LGSN: variants seen among roughly 807,000 people sequenced by gnomAD.
LGSN encodes the protein lengsin, lens protein with glutamine synthetase domain.
A neutral mutation model predicts 19.5 loss-of-function variants in LGSN; 21 were observed. The ratio of observed to expected loss-of-function variants is 1.07; its 90% confidence interval spans 0.76 to 1.55. The LOEUF (loss-of-function observed/expected upper bound fraction) is 1.55, where lower values mean the gene tolerates loss of function less well. Ranked by LOEUF, LGSN falls within the 40% of genes most tolerant of loss-of-function variation. The pLI, the probability that LGSN is intolerant of heterozygous loss-of-function variation, is 0.00. For synonymous variants in LGSN, 257 were observed against 215.6 expected (o/e 1.19, Z -1.68); for missense variants, 673 against 608.5 (o/e 1.11, Z -1.12).
the LGSN span, among the ~76,000 whole-genome samples, chr6:63,423,079 G>A: frequency 6.6e-6 from 1 of 152,156 alleles, no homozygotes; most frequent in Admixed American, 6.5e-5. Context: ...AGGTACAGTG[G>A]CTCACTTCTG....
At chr6:63,450,670 A>G in the LGSN span, among the ~76,000 whole-genome samples, 1 of 151,932 alleles carries the variant, frequency 6.6e-6, no homozygotes, top group Non-Finnish European at 1.5e-5. Context: ...ATTGAAAAAG[A>G]TTATAATGGT....
chr6:63,518,735 C>T, the LGSN span, among the ~76,000 whole-genome samples: 48 of 152,232 alleles, frequency 3.2e-4, no homozygotes, highest in South Asian at 6.0e-3. Context: ...CAGAATTTTG[C>T]CTTTAATACT....
the LGSN span, among the ~76,000 whole-genome samples, chr6:63,339,853 A>T: frequency 6.6e-6 from 1 of 151,938 alleles, no homozygotes; most frequent in Admixed American, 6.6e-5. Flanking sequence ...TCTACCAGTA[A>T]CTTTTATATT....
At chr6:63,333,697 T>C in the LGSN span, among the ~76,000 whole-genome samples, 1 of 148,608 alleles carries the variant, frequency 6.7e-6, no homozygotes. Context: ...CAGGTCTATA[T>C]GCCTGATGAA....
chr6:63,315,579 T>G (rs1020795612), intron 1 of LGSN, among the ~76,000 whole-genome samples: 1 of 151,752 alleles, frequency 6.6e-6, no homozygotes, highest in African/African-American at 2.4e-5. Context: ...TTTCTCTTGC[T>G]TTTCTGAAGA....
the LGSN span, among the ~76,000 whole-genome samples, chr6:63,519,557 A>AC: frequency 1.3e-5 from 2 of 152,198 alleles, no homozygotes; most frequent in South Asian, 4.1e-4. Flanking sequence ...GGGTAAAGAC[A>AC]CCACATATGC....
the LGSN span, chr6:63,521,654 G>A: frequency 6.6e-6 from 1 of 152,114 alleles, no homozygotes; most frequent in Non-Finnish European, 1.5e-5. Context: ...TGTATAAATT[G>A]CAAAATAAAC....
At chr6:63,525,265 C>G in the LGSN span, among the ~76,000 whole-genome samples, 1 of 152,190 alleles carries the variant, frequency 6.6e-6, no homozygotes, top group African/African-American at 2.4e-5. Flanking sequence ...CAAACCCGCT[C>G]TTCCATATTT....
chr6:63,529,089 C>A, the LGSN span, among the ~76,000 whole-genome samples: 1 of 138,200 alleles, frequency 7.2e-6, no homozygotes, highest in African/African-American at 3.0e-5. Context: ...AACTCCATCT[C>A]AAAATATATA....
In LGSN at chr6:63,319,317, C is replaced by T. The variant is rs114762014; in HGVS notation, c.30+597G>A. ...TAACTCACATCCTCCCAAATTTTAC[C>T]ACAGCTTGCCTCCAAGTCTGCACTT... is the stretch of plus-strand genomic sequence containing the variant. On this transcript the variant is annotated intron_variant, in intron 1 of 3. Transcript: ENST00000370657. Among the ~76,000 whole-genome samples the T allele has an allele frequency of 2.9e-3, 447 of 152,252 alleles. 3 individuals are homozygous for T. Among genetic ancestry groups the T allele is most frequent in the African/African-American group, 0.01 (423 of 41,528 alleles).
the LGSN span, among the ~76,000 whole-genome samples, chr6:63,427,330 C>A: frequency 6.6e-6 from 1 of 152,112 alleles, no homozygotes; most frequent in Non-Finnish European, 1.5e-5. Context: ...AGGCATAAGC[C>A]CCCATGCCCG....
At chr6:63,415,441 G>C in the LGSN span, among the ~76,000 whole-genome samples, 1 of 152,284 alleles carries the variant, frequency 6.6e-6, no homozygotes, top group East Asian at 1.9e-4. Context: ...TATAGTGGAA[G>C]GCAAAGGGGA....
chr6:63,301,290 T>TAAAAAA (rs550936078), intron 1 of LGSN, among the ~76,000 whole-genome samples: 19 of 151,760 alleles, frequency 1.3e-4, no homozygotes, highest in Non-Finnish European at 2.6e-4. Flanking sequence ...GACTCTGTCT[T>TAAAAAA]AAAAAAAATA....
chr6:63,532,254 G>T, the LGSN span, among the ~76,000 whole-genome samples: 1 of 152,140 alleles, frequency 6.6e-6, no homozygotes, highest in African/African-American at 2.4e-5. Context: ...AATTTATTAT[G>T]AGTGAAGTCA....
the LGSN span, among the ~76,000 whole-genome samples, chr6:63,326,401 C>T: frequency 6.6e-6 from 1 of 152,244 alleles, no homozygotes; most frequent in African/African-American, 2.4e-5. Flanking sequence ...GTGGATTCTG[C>T]ACCAGGGCTG....
the LGSN span, among the ~76,000 whole-genome samples, chr6:63,410,858 A>G: frequency 1.3e-5 from 2 of 152,104 alleles, no homozygotes; most frequent in Non-Finnish European, 2.9e-5. Context: ...CATGCTGGTA[A>G]ATGGTTGCTG....
chr6:63,460,381 G>A, the LGSN span, among the ~76,000 whole-genome samples: 9 of 151,888 alleles, frequency 5.9e-5, no homozygotes, highest in African/African-American at 1.9e-4. Context: ...AGATAACTGT[G>A]CTTTCTTTCA....
At chr6:63,365,773 C>T in the LGSN span, among the ~76,000 whole-genome samples, 1 of 152,266 alleles carries the variant, frequency 6.6e-6, no homozygotes, top group East Asian at 1.9e-4. Flanking sequence ...GGATGCAAGG[C>T]TGGTTCAACA....
chr6:63,480,994 CACATACAT>C, the LGSN span, among the ~76,000 whole-genome samples: 1 of 119,154 alleles, frequency 8.4e-6, no homozygotes, highest in Non-Finnish European at 1.8e-5. Context: ...TATACACACA[CACATACAT>C]ACATACATAC....
Sources: gnomAD v4.1 joint callset for allele counts (sites outside exome capture counted in the v4.1 genomes callset) on GRCh38, gnomAD v4.1.1 for gene constraint, MANE v1.5 for transcripts, NCBI Gene and HGNC (gene_info 2026-07-23, HGNC 2026-07-21) for gene names.